SLC25A21: variants seen among roughly 807,000 people sequenced by gnomAD.
The protein encoded by SLC25A21 is solute carrier family 25 member 21.
A neutral mutation model predicts 43.8 loss-of-function variants in SLC25A21; 47 were observed. That is an observed-to-expected ratio of 1.07 (90% CI 0.85 to 1.37). SLC25A21 has a LOEUF of 1.37. SLC25A21 is among the 40% of genes most tolerant of loss of function. The pLI, the probability that SLC25A21 is intolerant of heterozygous loss-of-function variation, is 0.00. For synonymous variants in SLC25A21, 131 were observed against 121.3 expected (o/e 1.08, Z -0.52); for missense variants, 352 against 350.2 (o/e 1.00, Z -0.04).
At chr14:37,140,933 G>A (rs984574879) in intron 1 of SLC25A21, among the ~76,000 whole-genome samples, 2 of 152,088 alleles carry the variant, frequency 1.3e-5, no homozygotes, top group Non-Finnish European at 2.9e-5. Context: ...GATCACTTGA[G>A]GTCAGGAGTT....
intron 1 of SLC25A21, among the ~76,000 whole-genome samples, chr14:37,145,474 C>G (rs8018596): frequency 0.027 from 3,209 of 119,126 alleles, 58 homozygotes; most frequent in African/African-American, 0.068. Flanking sequence ...CACACACACA[C>G]ACAGAGAGAT....
chr14:37,168,485 T>G (rs1964068593), intron 1 of SLC25A21, among the ~76,000 whole-genome samples: 1 of 152,116 alleles, frequency 6.6e-6, no homozygotes, highest in Non-Finnish European at 1.5e-5. Flanking sequence ...GCCCATTTCA[T>G]GGTGTATCTA....
In SLC25A21 at chr14:36,734,577, T is replaced by C; in HGVS notation, c.204-4A>G. ...TCCCTTGTAAAAACCAAATAACCTG[T>C]TGGAGAAATAAAAGATTTCCTATGA... On this transcript the variant is annotated splice_polypyrimidine_tract_variant and splice_region_variant and intron_variant, in intron 3 of 9. Coordinates refer to ENST00000331299, the MANE Select transcript of SLC25A21 (RefSeq NM_030631.4). The C allele has an allele frequency of 6.3e-7, 1 of 1,598,026 alleles. No homozygotes were observed.
intron 3 of SLC25A21, among the ~76,000 whole-genome samples, chr14:36,749,105 C>T (rs1315311217): frequency 3.3e-5 from 5 of 152,304 alleles, no homozygotes; most frequent in Non-Finnish European, 7.4e-5. Context: ...TATAACCAAT[C>T]TGGCTGTTTT....
At chr14:36,831,414 T>C (rs903701236) in intron 2 of SLC25A21, among the ~76,000 whole-genome samples, 1 of 152,226 alleles carries the variant, frequency 6.6e-6, no homozygotes, top group African/African-American at 2.4e-5. Flanking sequence ...ACTATATGTA[T>C]GATTCACATT....
chr14:36,716,096 TAATAAATA>T (rs112429500), intron 6 of SLC25A21, among the ~76,000 whole-genome samples: 1 of 151,344 alleles, frequency 6.6e-6, no homozygotes, highest in Non-Finnish European at 1.5e-5. Context: ...GTCTCAAAAA[TAATAAATA>T]AATAAATAAA....
At chr14:36,843,906 A>AT (rs1889463253) in intron 2 of SLC25A21, among the ~76,000 whole-genome samples, 1 of 152,202 alleles carries the variant, frequency 6.6e-6, no homozygotes, top group African/African-American at 2.4e-5. Flanking sequence ...CATGTCAGAG[A>AT]GATCCCTAAC....
At chr14:36,857,854 A>G (rs1317485270) in intron 2 of SLC25A21, among the ~76,000 whole-genome samples, 1 of 152,252 alleles carries the variant, frequency 6.6e-6, no homozygotes, top group East Asian at 1.9e-4. Context: ...GAGCACCTAT[A>G]GGGTCAACAA....
intron 1 of SLC25A21, among the ~76,000 whole-genome samples, chr14:36,893,233 T>C (rs974077981): frequency 2.0e-5 from 3 of 152,208 alleles, no homozygotes; most frequent in East Asian, 3.9e-4. Context: ...TTTTTAATGA[T>C]TGCCATTCTA....
At chr14:36,966,440 A>G (rs1959617619) in intron 1 of SLC25A21, among the ~76,000 whole-genome samples, 1 of 152,128 alleles carries the variant, frequency 6.6e-6, no homozygotes, top group African/African-American at 2.4e-5. Flanking sequence ...CAACTCAGAC[A>G]CCTCAGAGAA....
intron 1 of SLC25A21, among the ~76,000 whole-genome samples, chr14:37,011,630 T>C (rs1190694036): frequency 1.3e-5 from 2 of 152,158 alleles, no homozygotes; most frequent in Non-Finnish European, 2.9e-5. Context: ...CACATCATCA[T>C]CACCATCACT....
chr14:36,928,385 G>T (rs1892189372), intron 1 of SLC25A21, among the ~76,000 whole-genome samples: 1 of 151,976 alleles, frequency 6.6e-6, no homozygotes, highest in Non-Finnish European at 1.5e-5. Flanking sequence ...TTTGTTTCTT[G>T]CCAAATTTCA....
chr14:36,820,059 G>T (rs1408532420), intron 2 of SLC25A21, among the ~76,000 whole-genome samples: 1 of 152,102 alleles, frequency 6.6e-6, no homozygotes, highest in African/African-American at 2.4e-5. Flanking sequence ...TTGGGAGAGG[G>T]AACTGATGGA....
chr14:36,973,988 C>G (rs550020830), intron 1 of SLC25A21, among the ~76,000 whole-genome samples: 1 of 152,060 alleles, frequency 6.6e-6, no homozygotes, highest in Admixed American at 6.5e-5. Context: ...TCTGGGACAG[C>G]TCTATTTATT....
intron 2 of SLC25A21, among the ~76,000 whole-genome samples, chr14:36,858,879 T>A (rs759418043): frequency 4.6e-5 from 7 of 152,240 alleles, no homozygotes; most frequent in Admixed American, 3.3e-4. Context: ...TTCTTTTTCC[T>A]TCCTATTTAA....
chr14:36,985,270 T>C (rs1960121148), intron 1 of SLC25A21, among the ~76,000 whole-genome samples: 1 of 149,032 alleles, frequency 6.7e-6, no homozygotes, highest in Admixed American at 6.6e-5. Flanking sequence ...GGCACATGTA[T>C]ATATATGTAA....
chr14:37,010,656 A>T (rs1301290652), intron 1 of SLC25A21, among the ~76,000 whole-genome samples: 1 of 151,562 alleles, frequency 6.6e-6, no homozygotes, highest in African/African-American at 2.4e-5. Flanking sequence ...GACAGAACCT[A>T]AAGAATGACC....
intron 1 of SLC25A21, among the ~76,000 whole-genome samples, chr14:36,990,508 T>C (rs1484969980): frequency 6.6e-6 from 1 of 152,196 alleles, no homozygotes; most frequent in Non-Finnish European, 1.5e-5. Context: ...GAAATGTTTA[T>C]AAGTTTATCC....
At chr14:36,855,070 C>T (rs1035661208) in intron 2 of SLC25A21, among the ~76,000 whole-genome samples, 4 of 152,032 alleles carry the variant, frequency 2.6e-5, no homozygotes, top group Admixed American at 6.6e-5. Context: ...ATTATCATCA[C>T]AATCTGATAA....
Sources: allele counts gnomAD v4.1 joint callset (sites outside exome capture counted in the v4.1 genomes callset), GRCh38; gene constraint gnomAD v4.1.1; transcripts MANE v1.5; gene names NCBI Gene and HGNC (gene_info 2026-07-23, HGNC 2026-07-21).